EYS: variants seen among roughly 807,000 people sequenced by gnomAD.
EYS encodes protein eyes shut homolog.
EYS carries 250 observed loss-of-function variants against 282.1 expected under a neutral mutation model. The ratio of observed to expected loss-of-function variants is 0.89; its 90% confidence interval spans 0.80 to 0.98. The LOEUF is 0.98. Among genes scored for constraint, EYS ranks in the 50% least tolerant of loss-of-function variants. The pLI is 0.00. For missense variants in EYS, 4,016 were observed against 3,709.0 expected, an observed-to-expected ratio of 1.08 and a Z score of -2.15; for synonymous variants, 1,355 against 1,282.9, an observed-to-expected ratio of 1.06 and a Z score of -1.20.
Position 65,425,287 on chromosome 6 carries a change from T to C in EYS, c.863-19920A>G, listed in dbSNP as rs113666117. On this transcript the variant is annotated intron_variant, in intron 5 of 42. Coordinates refer to ENST00000503581, the MANE Select transcript of EYS (RefSeq NM_001142800.2). ...ATGATCATGAAGAGAATTAATATAGTCAATTTTAAATAGATATAGTAAACG... is the reference window on the plus strand; with the variant it reads ...ATGATCATGAAGAGAATTAATATAGCCAATTTTAAATAGATATAGTAAACG... 3.5e-3 allele frequency among the ~76,000 whole-genome samples: 536 copies of C among 152,186 alleles called. 2 individuals are homozygous for C. Among genetic ancestry groups the C allele is most frequent in the Middle Eastern group, 0.01 (3 of 294 alleles).
intron 22 of EYS, among the ~76,000 whole-genome samples, chr6:64,690,168 G>T (rs978862727): frequency 1.3e-5 from 2 of 151,922 alleles, no homozygotes; most frequent in East Asian, 1.9e-4. Context: ...GTGGGCGAAG[G>T]ATATGAACAG....
At chr6:64,401,251 A>G (rs930760500) in intron 28 of EYS, among the ~76,000 whole-genome samples, 17 of 152,120 alleles carry the variant, frequency 1.1e-4, no homozygotes, top group Admixed American at 6.6e-5. Context: ...GTCAACCTTC[A>G]GAAATTACTG....
intron 29 of EYS, among the ~76,000 whole-genome samples, chr6:64,387,055 C>G (rs972881559): frequency 6.6e-6 from 1 of 152,112 alleles, no homozygotes; most frequent in Non-Finnish European, 1.5e-5. Flanking sequence ...CTGGCTCCCA[C>G]TCACCTATCC....
chr6:64,525,838 A>G (rs193054360), intron 26 of EYS, among the ~76,000 whole-genome samples: 1 of 151,788 alleles, frequency 6.6e-6, no homozygotes, highest in East Asian at 1.9e-4. Flanking sequence ...CCATGCAACT[A>G]CCATATGATC....
At chr6:65,389,806 A>G (rs1765945035) in intron 7 of EYS, among the ~76,000 whole-genome samples, 2 of 152,104 alleles carry the variant, frequency 1.3e-5, no homozygotes, top group African/African-American at 4.8e-5. Context: ...AAAATGGACA[A>G]GAGTTTAACG....
intron 37 of EYS, among the ~76,000 whole-genome samples, chr6:63,799,080 C>T (rs1770721668): frequency 6.8e-6 from 1 of 146,516 alleles, no homozygotes; most frequent in Non-Finnish European, 1.5e-5. Context: ...ATGGCACGAT[C>T]TCAGCTTACC....
intron 26 of EYS, among the ~76,000 whole-genome samples, chr6:64,537,686 A>G (rs546389686): frequency 2.0e-5 from 3 of 152,274 alleles, no homozygotes; most frequent in Admixed American, 2.0e-4. Flanking sequence ...AGACTTCATG[A>G]TGAGTACTTG....
chr6:64,734,318 TC>T (rs1772107215), intron 22 of EYS, among the ~76,000 whole-genome samples: 1 of 152,114 alleles, frequency 6.6e-6, no homozygotes, highest in South Asian at 2.1e-4. Context: ...AAAAAATATT[TC>T]TAGCATGTTT....
chr6:64,387,028 A>C (rs1300385409), intron 29 of EYS, among the ~76,000 whole-genome samples: 1 of 152,128 alleles, frequency 6.6e-6, no homozygotes, highest in Non-Finnish European at 1.5e-5. Context: ...TGCATTTTAC[A>C]TAGGATTAAT....
chr6:64,593,551 T>C (rs1260168760), intron 24 of EYS, among the ~76,000 whole-genome samples: 6 of 152,158 alleles, frequency 3.9e-5, no homozygotes, highest in Non-Finnish European at 8.8e-5. Context: ...TTCCTTTAAT[T>C]TTAAGTCAAA....
In EYS at chr6:65,235,392, A is replaced by C. The variant is rs527577068; in HGVS notation, c.2023+60471T>G. 2.8e-5 allele frequency among the ~76,000 whole-genome samples: 4 copies of C among 145,260 alleles called. No individual in the cohort carries two copies. The South Asian group carries it at 8.4e-4, about 31-fold the overall frequency. ...GTTGGATGTATACATGTGCAATGAA[A>C]ATATGTGGATAAACTGCATAAGACA... On this transcript the variant is annotated intron_variant, in intron 12 of 42. Transcript: ENST00000503581.
Position 64,591,274 on chromosome 6 carries a change from C to T in EYS, c.4593G>A (p.Glu1531=), listed in dbSNP as rs62415825. 0.13 allele frequency: 200,469 copies of T among 1,551,080 alleles called. 13,839 individuals are homozygous for T. Among genetic ancestry groups the T allele is most frequent in the East Asian group, 0.15 (6,021 of 40,884 alleles). ...FNPSEYQAIT[E]ASSNQRLTNI... ...TTGTGAGTCTCTGGTTGCTTGAAGCCTCAGTAATAGCCTGATATTCACTGG... is the reference window on the plus strand; with the variant it reads ...TTGTGAGTCTCTGGTTGCTTGAAGCTTCAGTAATAGCCTGATATTCACTGG... Residue 1531 remains glutamate (E), a synonymous_variant, in exon 26 of 43, where the codon GAG becomes GAA. Transcript: ENST00000503581.
At chr6:64,559,143 C>G (rs73767342) in intron 26 of EYS, among the ~76,000 whole-genome samples, 4,597 of 152,120 alleles carry the variant, frequency 0.03, 156 homozygotes, top group East Asian at 0.11. Context: ...CAAACCTTTT[C>G]TCTAAAAAAT....
rs570549300 is a variant in EYS at position 65,077,925 on chromosome 6, AGTT to A, written c.2024-20201_2024-20199del. Among the ~76,000 whole-genome samples, 282 of 152,270 alleles carry A rather than the reference AGTT, an allele frequency of 1.9e-3. 1 individual carries two copies. The highest frequency in any genetic ancestry group is 3.6e-3 in the Non-Finnish European group (247 of 68,008). Reference sequence around the variant, plus strand: ...ATATGCTTCTTCCTCAGATGCTTTCAGTTGTTGTATTCATAATTAAACAAGCAA... The same window carrying A: ...ATATGCTTCTTCCTCAGATGCTTTCAGTTGTATTCATAATTAAACAAGCAA... On this transcript the variant is annotated intron_variant, in intron 12 of 42. Transcript: ENST00000503581.
chr6:64,731,253 T>G (rs1047022744), intron 22 of EYS, among the ~76,000 whole-genome samples: 1 of 151,838 alleles, frequency 6.6e-6, no homozygotes, highest in African/African-American at 2.4e-5. Context: ...CAAAAGCAAT[T>G]GCAACAAAAG....
chr6:64,439,649 C>A (rs555192458), intron 26 of EYS, among the ~76,000 whole-genome samples: 2 of 151,830 alleles, frequency 1.3e-5, no homozygotes, highest in South Asian at 4.1e-4. Flanking sequence ...GGCACATTTT[C>A]TAAATATGTA....
At chr6:64,861,894 A>C (rs1032022087) in intron 19 of EYS, among the ~76,000 whole-genome samples, 1 of 152,150 alleles carries the variant, frequency 6.6e-6, no homozygotes, top group Non-Finnish European at 1.5e-5. Context: ...TTGGTTTCTG[A>C]CCATGCTTCT....
At chr6:65,608,326 T>C (rs1381682564) in intron 2 of EYS, among the ~76,000 whole-genome samples, 2 of 151,996 alleles carry the variant, frequency 1.3e-5, no homozygotes, top group South Asian at 2.1e-4. Context: ...AAATACAGTT[T>C]AAAAGACTTA....
intron 2 of EYS, among the ~76,000 whole-genome samples, chr6:65,496,534 T>G (rs1766264396): frequency 6.6e-6 from 1 of 152,092 alleles, no homozygotes; most frequent in Non-Finnish European, 1.5e-5. Flanking sequence ...TCTTTGGATC[T>G]CAGTTATGTT....
Sources: allele counts gnomAD v4.1 joint callset (sites outside exome capture counted in the v4.1 genomes callset), GRCh38; gene constraint gnomAD v4.1.1; transcripts MANE v1.5; gene names NCBI Gene and HGNC (gene_info 2026-07-23, HGNC 2026-07-21).